PDE8B: variants seen among roughly 807,000 people sequenced by gnomAD.
PDE8B encodes phosphodiesterase 8B, also known as high affinity cAMP-specific and IBMX-insensitive 3',5'-cyclic phosphodiesterase 8B.
PDE8B carries 26 observed loss-of-function variants against 101.3 expected under a neutral mutation model. That is an observed-to-expected ratio of 0.26 (90% CI 0.19 to 0.36). The LOEUF is 0.36. PDE8B is among the 10% of genes least tolerant of loss of function. The pLI, the probability that PDE8B is intolerant of heterozygous loss-of-function variation, is 1.00. For missense variants in PDE8B, 810 were observed against 1,163.1 expected (o/e 0.70, Z 4.42); for synonymous variants, 424 against 429.3 (o/e 0.99, Z 0.15).
intron 1 of PDE8B, among the ~76,000 whole-genome samples, chr5:77,241,738 C>T (rs1289318928): frequency 6.6e-6 from 1 of 152,240 alleles, no homozygotes; most frequent in Non-Finnish European, 1.5e-5. Flanking sequence ...CGTTGGCCAT[C>T]AGATTATTTC....
chr5:77,269,115 T>C (rs1172426596), intron 1 of PDE8B, among the ~76,000 whole-genome samples: 4 of 152,086 alleles, frequency 2.6e-5, no homozygotes, highest in Non-Finnish European at 5.9e-5. Context: ...GGGTTCCCTT[T>C]CCGCCACATC....
intron 6 of PDE8B, 52 bp downstream of exon 6, chr5:77,337,367 C>A: frequency 1.1e-6 from 1 of 934,928 alleles, no homozygotes; most frequent in Non-Finnish European, 1.7e-6. Flanking sequence ...TTTAGAAAAT[C>A]TTATCTGTCA....
rs1303844467 is a variant in PDE8B at position 77,211,067 on chromosome 5, G to A, written c.142G>A (p.Asp48Asn). 3 of 1,508,022 alleles carry A rather than the reference G, an allele frequency of 2.0e-6. No homozygotes were observed. Among genetic ancestry groups the A allele is most frequent in the Non-Finnish European group, 2.6e-6 (3 of 1,136,598 alleles). The allele number at this position is 1,508,022 out of a possible 1,614,324, so 93.4% of individuals were successfully genotyped here. Reference sequence around the variant, plus strand: ...CCTGCCCGGCCTCTTCGTCCAGACCGACGCCGCCGACGCCATCCCCCCGAG... The same window carrying A: ...CCTGCCCGGCCTCTTCGTCCAGACCAACGCCGCCGACGCCATCCCCCCGAG... ...APLPGLFVQT[D>N]AADAIPPSRA... The change falls in exon 1 of 22, where the codon GAC becomes AAC. Residue 48 changes from aspartate to asparagine, a missense_variant. Physicochemically the swap from Asp to Asn is conservative, Grantham distance 23. Around this residue, in one of 4 missense-constraint regions of PDE8B, gnomAD observed 159 missense variants for 146.6 expected, o/e 1.08. Coordinates refer to ENST00000264917, the MANE Select transcript of PDE8B (RefSeq NM_003719.5). The surrounding 1 kb of genome is among the most constrained non-coding windows in gnomAD (Gnocchi z 4.1).
chr5:77,141,331 G>A, the PDE8B span: 1 of 152,200 alleles, frequency 6.6e-6, no homozygotes, highest in Non-Finnish European at 1.5e-5. Flanking sequence ...TAGAAGCAAT[G>A]AATATACATT....
chr5:77,211,038 C>T lies in PDE8B; in HGVS notation c.113C>T (p.Ala38Val). 1.3e-6 allele frequency: 2 copies of T among 1,537,714 alleles called. No individual in the cohort carries two copies. Among genetic ancestry groups the T allele is most frequent in the Non-Finnish European group, 1.7e-6 (2 of 1,152,406 alleles). The change falls in exon 1 of 22, where the codon GCA becomes GTA. Residue 38 changes from alanine (A) to valine (V), a missense_variant. Ala to Val is a moderately conservative substitution (Grantham distance 64). Coordinates refer to ENST00000264917, the MANE Select transcript of PDE8B (RefSeq NM_003719.5). This position sits in a 1 kb window ranked among gnomAD's most constrained non-coding sequence, Gnocchi z 4.1. Reference sequence around the variant, plus strand: ...ACCAGCGTGTCGCAGGGCCCGGCGGCACCCCTGCCCGGCCTCTTCGTCCAG... The same window carrying T: ...ACCAGCGTGTCGCAGGGCCCGGCGGTACCCCTGCCCGGCCTCTTCGTCCAG... ...QTTSVSQGPAAPLPGLFVQTD... is the reference protein window; with the variant it reads ...QTTSVSQGPAVPLPGLFVQTD...
At chr5:77,193,184 A>G in the PDE8B span, among the ~76,000 whole-genome samples, 9 of 152,078 alleles carry the variant, frequency 5.9e-5, no homozygotes, top group Admixed American at 4.6e-4. Flanking sequence ...ATGAATTGCA[A>G]TTTATCATGT....
chr5:77,425,787 G>A lies in PDE8B; in HGVS notation c.2439G>A (p.Gln813=), dbSNP rs139043196. The change falls in exon 21 of 22, where the codon CAG becomes CAA. Residue 813 remains glutamine (Q), a synonymous_variant. Coordinates refer to ENST00000264917, the MANE Select transcript of PDE8B (RefSeq NM_003719.5). ...YFAQTDEEKR[Q]GLPVVMPVFD... ...TACAGACTGATGAAGAGAAGAGACA[G>A]GGACTACCTGTGGTGATGCCAGTGT... 2.5e-6 allele frequency: 4 copies of A among 1,613,926 alleles called. No homozygotes were observed. The highest frequency in any genetic ancestry group is 3.4e-6 in the Non-Finnish European group (4 of 1,179,814).
At chr5:77,165,758 C>T in the PDE8B span, among the ~76,000 whole-genome samples, 1 of 152,002 alleles carries the variant, frequency 6.6e-6, no homozygotes, top group Non-Finnish European at 1.5e-5. Flanking sequence ...GTAATCCCAG[C>T]ACTTTGGGAG....
At chr5:77,316,244 T>C (rs907591195) in intron 2 of PDE8B, among the ~76,000 whole-genome samples, 1 of 152,190 alleles carries the variant, frequency 6.6e-6, no homozygotes, top group African/African-American at 2.4e-5. Context: ...ATTATTACTA[T>C]TATTATTGAG....
intron 1 of PDE8B, among the ~76,000 whole-genome samples, chr5:77,234,459 A>G (rs1415789987): frequency 6.6e-6 from 1 of 151,994 alleles, no homozygotes; most frequent in East Asian, 1.9e-4. Flanking sequence ...CATACACATG[A>G]GGTTGTATTT....
chr5:77,345,208 G>C (rs564964015), intron 7 of PDE8B, among the ~76,000 whole-genome samples: 2 of 152,158 alleles, frequency 1.3e-5, no homozygotes, highest in African/African-American at 4.8e-5. Context: ...TCACTCTGTC[G>C]CCCAGGCTGT....
chr5:77,248,198 C>T (rs1041263307), intron 1 of PDE8B, among the ~76,000 whole-genome samples: 2 of 152,236 alleles, frequency 1.3e-5, no homozygotes, highest in Non-Finnish European at 1.5e-5. Context: ...AACTGGACTG[C>T]AAGCTCGATG....
the PDE8B span, among the ~76,000 whole-genome samples, chr5:77,099,734 C>G: frequency 6.6e-6 from 1 of 152,038 alleles, no homozygotes; most frequent in East Asian, 1.9e-4. Context: ...CTCAGCCTCC[C>G]GAGTAGCTGG....
the PDE8B span, among the ~76,000 whole-genome samples, chr5:77,166,172 C>G: frequency 1.6e-4 from 23 of 145,064 alleles, no homozygotes; most frequent in South Asian, 4.2e-3. Flanking sequence ...CTGGGCCTGT[C>G]CTGGCATAGT....
At position 77,426,918 on chromosome 5, in the gene PDE8B, T is replaced by C; in HGVS notation, c.*364T>C. 1 of 311,996 alleles carries C rather than the reference T, an allele frequency of 3.2e-6. No homozygotes were observed. 19.3% of individuals were successfully genotyped at this position (311,996 alleles called of 1,614,324 possible). ...CTCCCAGGATGGTGACTAAGTAGCT[T>C]AGCTAGTGATCAGCTCATCCTTTAC... On this transcript the variant is annotated 3_prime_UTR_variant, in exon 22 of 22. Transcript: ENST00000264917.
the PDE8B span, chr5:77,146,527 A>G: frequency 5.0e-4 from 88 of 174,658 alleles, no homozygotes; most frequent in Middle Eastern, 7.5e-3. Context: ...CCAGGTGGGT[A>G]CTGGAAAGCT....
intron 6 of PDE8B, among the ~76,000 whole-genome samples, chr5:77,343,535 T>C (rs998909801): frequency 9.2e-5 from 14 of 152,202 alleles, no homozygotes; most frequent in Non-Finnish European, 1.5e-5. Flanking sequence ...ATAAGGCACT[T>C]AGCATGAATG....
the PDE8B span, among the ~76,000 whole-genome samples, chr5:77,133,179 G>T: frequency 7.9e-5 from 12 of 152,240 alleles, no homozygotes; most frequent in African/African-American, 2.7e-4. Context: ...AAAAACACTT[G>T]TGTGGTTGGG....
the PDE8B span, among the ~76,000 whole-genome samples, chr5:77,157,354 G>A: frequency 1.3e-5 from 2 of 152,188 alleles, no homozygotes; most frequent in African/African-American, 2.4e-5. Flanking sequence ...GTGAAACACC[G>A]GAGTGTGGGG....
Sources: allele counts gnomAD v4.1 joint callset (sites outside exome capture counted in the v4.1 genomes callset), GRCh38; gene constraint gnomAD v4.1.1; regional missense constraint gnomAD v4.1.1; non-coding constraint Gnocchi (gnomAD v3.1); transcripts MANE v1.5; gene names NCBI Gene and HGNC (gene_info 2026-07-23, HGNC 2026-07-21).